Variants in SUMF1 observed in about 807,000 individuals in gnomAD.
SUMF1 encodes the protein formylglycine-generating enzyme.
SUMF1 carries 48 observed loss-of-function variants against 47.6 expected under a neutral mutation model. The observed-to-expected ratio is 1.01, with a 90% CI of 0.80 to 1.28. The LOEUF (loss-of-function observed/expected upper bound fraction) is 1.28. Among genes scored for constraint, SUMF1 ranks in the 50% most tolerant of loss-of-function variants. The pLI, the probability that SUMF1 is intolerant of heterozygous loss-of-function variation, is 0.00. For synonymous variants in SUMF1, 230 were observed against 192.1 expected (o/e 1.20, Z -1.63); for missense variants, 571 against 485.4 (o/e 1.18, Z -1.66).
At chr3:4,172,227 C>A (rs976769024) in intron 8 of SUMF1, among the ~76,000 whole-genome samples, 1 of 152,108 alleles carries the variant, frequency 6.6e-6, no homozygotes, top group African/African-American at 2.4e-5. Flanking sequence ...GGGAAAGAGA[C>A]GTTATTAAAG....
At chr3:4,106,589 T>G (rs1364209948) in intron 8 of SUMF1, among the ~76,000 whole-genome samples, 2 of 151,938 alleles carry the variant, frequency 1.3e-5, no homozygotes, top group African/African-American at 4.8e-5. Context: ...AAACAAAGAG[T>G]AAAGTCACTA....
At chr3:4,045,269 C>A (rs576536426) in intron 9 of SUMF1, among the ~76,000 whole-genome samples, 1 of 152,096 alleles carries the variant, frequency 6.6e-6, no homozygotes, top group African/African-American at 2.4e-5. Flanking sequence ...CAGATCATGC[C>A]AAGGAGTTCT....
intron 8 of SUMF1, among the ~76,000 whole-genome samples, chr3:4,170,068 C>T (rs2166023): frequency 0.65 from 99,313 of 151,658 alleles, 32,655 homozygotes; most frequent in South Asian, 0.73. Flanking sequence ...CAGACCAAAT[C>T]TGCCCCCCAC....
intron 8 of SUMF1, among the ~76,000 whole-genome samples, chr3:4,373,273 TATTAAAAACCAC>T (rs1280064851): frequency 6.6e-6 from 1 of 151,964 alleles, no homozygotes; most frequent in African/African-American, 2.4e-5. Context: ...AACCCAACCA[TATTAAAAACCAC>T]ATTAAAAATA....
intron 8 of SUMF1, among the ~76,000 whole-genome samples, chr3:4,096,610 A>G (rs149942393): frequency 8.5e-5 from 13 of 152,202 alleles, no homozygotes; most frequent in African/African-American, 3.1e-4. Context: ...ACAGAATCCA[A>G]AGGAATCTAA....
At chr3:4,353,614 C>A (rs764120132) in intron 8 of SUMF1, among the ~76,000 whole-genome samples, 2 of 152,172 alleles carry the variant, frequency 1.3e-5, no homozygotes, top group African/African-American at 2.4e-5. Flanking sequence ...ACATATCATA[C>A]AGTCTCTAGA....
Position 4,143,648 on chromosome 3 carries a change from G to C in SUMF1, c.1015-74903C>G, listed in dbSNP as rs1319751751. Among the ~76,000 whole-genome samples the C allele has an allele frequency of 2.0e-5, 3 of 152,234 alleles. No homozygotes were observed. In the South Asian group the frequency reaches 6.2e-4, roughly 32 times the overall value. On this transcript the variant is annotated intron_variant and NMD_transcript_variant, in intron 8 of 12. Transcript: ENST00000448413. ...TAGACTAGTTGAATCTTGGATTTGA[G>C]AATGTACAGAGAAAGGGGGAATTTA...
In SUMF1 at chr3:4,418,085, T is replaced by C. The variant is rs1482875477; in HGVS notation, c.650A>G (p.Tyr217Cys). The C allele has an allele frequency of 6.2e-7, 1 of 1,613,920 alleles. No homozygotes were observed. The highest frequency in any genetic ancestry group is 1.3e-5 in the African/African-American group (1 of 74,906). ...CAGCCGCTTCCCTGCCCAAGTGCAG[T>C]AGGCAACCGCATCATTCCAGGACAC... Reference protein sequence around the residue: ...LHVSWNDAVAYCTWAGKRLPT... With the variant: ...LHVSWNDAVACCTWAGKRLPT... The change falls in exon 5 of 9, where the codon TAC (tyrosine) becomes TGC (cysteine). Residue 217 changes from tyrosine to cysteine, a missense_variant. Transcript: ENST00000272902.
At chr3:4,140,981 T>G (rs2600145) in intron 8 of SUMF1, among the ~76,000 whole-genome samples, 3 of 151,496 alleles carry the variant, frequency 2.0e-5, no homozygotes, top group African/African-American at 7.3e-5. Flanking sequence ...ATTTCATGAG[T>G]TTTCACATGA....
chr3:4,320,125 G>C (rs1351412420), intron 8 of SUMF1, among the ~76,000 whole-genome samples: 1 of 152,106 alleles, frequency 6.6e-6, no homozygotes, highest in Non-Finnish European at 1.5e-5. Context: ...CTGCACAAAG[G>C]GTCAAAATTT....
chr3:4,394,099 A>G (rs1035643396), intron 7 of SUMF1, among the ~76,000 whole-genome samples: 5 of 152,056 alleles, frequency 3.3e-5, no homozygotes, highest in African/African-American at 1.2e-4. Context: ...ATTTGATAAT[A>G]CCATTATAGT....
At chr3:4,200,941 A>T (rs948689325) in intron 8 of SUMF1, among the ~76,000 whole-genome samples, 1 of 152,082 alleles carries the variant, frequency 6.6e-6, no homozygotes. Flanking sequence ...CTATAACTTT[A>T]TAGTAAAGTT....
At chr3:4,218,973 CAG>C (rs542009685) in intron 8 of SUMF1, among the ~76,000 whole-genome samples, 77 of 152,202 alleles carry the variant, frequency 5.1e-4, no homozygotes, top group Non-Finnish European at 2.9e-5. Flanking sequence ...AGCTCAACAG[CAG>C]ATCTCCAAGC....
chr3:4,161,405 C>T (rs997241526), intron 8 of SUMF1, among the ~76,000 whole-genome samples: 1 of 152,138 alleles, frequency 6.6e-6, no homozygotes, highest in African/African-American at 2.4e-5. Context: ...TTCTCCCAGG[C>T]CCTCGGTGGG....
chr3:4,317,306 G>C, intron 8 of SUMF1: 2 of 1,100,572 alleles, frequency 1.8e-6, no homozygotes, highest in South Asian at 1.6e-5. Flanking sequence ...ACCGCAGTTA[G>C]TTTTGCACCA....
Position 4,291,323 on chromosome 3 carries a change from G to A in SUMF1, c.1014+85007C>T, listed in dbSNP as rs73119322. Among the ~76,000 whole-genome samples, 387 of 151,934 alleles carry A rather than the reference G, an allele frequency of 2.5e-3. 2 individuals carry two copies. Among genetic ancestry groups the A allele is most frequent in the African/African-American group, 8.2e-3 (341 of 41,466 alleles). On this transcript the variant is annotated intron_variant and NMD_transcript_variant, in intron 8 of 12. Coordinates refer to the SUMF1 transcript ENST00000448413. Reference sequence around the variant, plus strand: ...AATTATAAATAATCCAGATATTTTCGCTTGCCCTGACTCCCATCTTATTCC... The same window carrying A: ...AATTATAAATAATCCAGATATTTTCACTTGCCCTGACTCCCATCTTATTCC...
intron 8 of SUMF1, among the ~76,000 whole-genome samples, chr3:4,157,159 A>C (rs1694471352): frequency 6.6e-6 from 1 of 151,574 alleles, no homozygotes; most frequent in Non-Finnish European, 1.5e-5. Context: ...TGGTCTTATC[A>C]CAGGGATAAT....
chr3:4,155,994 T>G (rs1160121780), intron 8 of SUMF1, among the ~76,000 whole-genome samples: 1 of 151,308 alleles, frequency 6.6e-6, no homozygotes, highest in Non-Finnish European at 1.5e-5. Context: ...GGCCCAGCAG[T>G]CTAGTTAGGA....
chr3:4,328,571 G>A (rs1698991169), intron 8 of SUMF1, among the ~76,000 whole-genome samples: 1 of 152,160 alleles, frequency 6.6e-6, no homozygotes. Flanking sequence ...CACGAGAACA[G>A]TATGGGGGAA....
Sources: allele counts gnomAD v4.1 joint callset (sites outside exome capture counted in the v4.1 genomes callset), GRCh38; gene constraint gnomAD v4.1.1; transcripts MANE v1.5; gene names NCBI Gene and HGNC (gene_info 2026-07-23, HGNC 2026-07-21).